The following PCDH9 variants were observed in gnomAD, a reference collection of about 807,000 sequenced individuals.
PCDH9 encodes the protein protocadherin 9, also known as protocadherin-9.
A neutral mutation model predicts 70.6 loss-of-function variants in PCDH9; 24 were observed. That is an observed-to-expected ratio of 0.34 (90% confidence interval 0.25 to 0.48). The LOEUF (loss-of-function observed/expected upper bound fraction) is 0.48, where lower values mean the gene tolerates loss of function less well. Among genes scored for constraint, PCDH9 ranks in the 20% least tolerant of loss-of-function variants. The probability of loss-of-function intolerance (pLI) is 0.99; values close to 1 mark genes in which losing one functional copy is unlikely to be tolerated. For synonymous variants in PCDH9, 562 were observed against 558.5 expected, an observed-to-expected ratio of 1.01 and a Z score of -0.09; for missense variants, 1,281 against 1,503.6, an observed-to-expected ratio of 0.85 and a Z score of 2.45.
chr13:66,373,542 A>G (rs1215772872), intron 4 of PCDH9, among the ~76,000 whole-genome samples: 1 of 152,062 alleles, frequency 6.6e-6, no homozygotes, highest in Non-Finnish European at 1.5e-5. Context: ...AGAAAAGGAA[A>G]GAAAAAATGA....
intron 2 of PCDH9, among the ~76,000 whole-genome samples, chr13:67,124,248 G>A (rs1460434368): frequency 6.6e-6 from 1 of 152,046 alleles, no homozygotes; most frequent in Non-Finnish European, 1.5e-5. Context: ...TCACTCAGGT[G>A]TTTGCTATTC....
intron 3 of PCDH9, among the ~76,000 whole-genome samples, chr13:66,749,778 T>C (rs1159308187): frequency 6.6e-6 from 1 of 152,116 alleles, no homozygotes; most frequent in African/African-American, 2.4e-5. Context: ...AGCTCTCCTT[T>C]AGGAATAGGA....
chr13:67,172,835 G>A (rs1325797756), intron 2 of PCDH9, among the ~76,000 whole-genome samples: 3 of 127,466 alleles, frequency 2.4e-5, no homozygotes, highest in South Asian at 2.5e-4. Flanking sequence ...GCGAGATCAC[G>A]CCACTGCAGT....
chr13:66,992,199 GA>G (rs1252085512), intron 2 of PCDH9, among the ~76,000 whole-genome samples: 1 of 152,074 alleles, frequency 6.6e-6, no homozygotes, highest in Non-Finnish European at 1.5e-5. Context: ...ATATTCCCTA[GA>G]AAAACAAATG....
chr13:66,739,899 T>G (rs1321192344), intron 3 of PCDH9, among the ~76,000 whole-genome samples: 1 of 142,770 alleles, frequency 7.0e-6, no homozygotes, highest in Non-Finnish European at 1.5e-5. Context: ...ATGGGAGACT[T>G]TAACACCCCA....
rs763360211 is a variant in PCDH9 at position 66,497,814 on chromosome 13, C to CTTTTTTTTT, written c.3340+133387_3340+133395dup. Among the ~76,000 whole-genome samples, 14 of 111,322 alleles carry CTTTTTTTTT rather than the reference C, an allele frequency of 1.3e-4. No individual in the cohort carries two copies. In the East Asian group the frequency reaches 2.9e-3, roughly 23 times the overall value. The allele number at this position is 111,322 out of a possible 152,430, so 73.0% of individuals were successfully genotyped here. A position where few individuals can be genotyped will look rare whatever the true frequency, so the allele number is the denominator to read the frequency against. ...AGAAAAAGTGCTATACACACTCTTA[C>CTTTTTTTTT]TTTTTTTTTTTTTTTTTTTTTTGAG... On this transcript the variant is annotated intron_variant, in intron 4 of 4. Transcript: ENST00000377865.
At chr13:66,572,883 C>T (rs1016458209) in intron 4 of PCDH9, among the ~76,000 whole-genome samples, 3 of 152,108 alleles carry the variant, frequency 2.0e-5, no homozygotes, top group African/African-American at 7.2e-5. Context: ...CCTCAGACTC[C>T]CAAGGAGTTG....
chr13:66,333,289 C>A (rs530282093), intron 4 of PCDH9, among the ~76,000 whole-genome samples: 1 of 152,212 alleles, frequency 6.6e-6, no homozygotes, highest in African/African-American at 2.4e-5. Flanking sequence ...AACCTGCTCC[C>A]AGACATTAAC....
At chr13:67,085,437 G>A (rs899400241) in intron 2 of PCDH9, among the ~76,000 whole-genome samples, 1 of 152,126 alleles carries the variant, frequency 6.6e-6, no homozygotes, top group Non-Finnish European at 1.5e-5. Context: ...ATTACCGTAT[G>A]AACTGTGAAG....
chr13:66,806,182 T>C (rs2080407460), intron 3 of PCDH9, among the ~76,000 whole-genome samples: 1 of 152,174 alleles, frequency 6.6e-6, no homozygotes, highest in Non-Finnish European at 1.5e-5. Flanking sequence ...TAAAAATATG[T>C]CAAAACTTAT....
chr13:67,014,290 T>G (rs908477840), intron 2 of PCDH9, among the ~76,000 whole-genome samples: 2 of 152,078 alleles, frequency 1.3e-5, no homozygotes, highest in African/African-American at 4.8e-5. Context: ...ACTAGCAATA[T>G]GTAGAGGTAG....
chr13:67,224,444 T>A (rs2089802250), intron 2 of PCDH9: 1 of 152,226 alleles, frequency 6.6e-6, no homozygotes, highest in Admixed American at 6.5e-5. Flanking sequence ...ATCTACAGGC[T>A]ATTATCGATA....
intron 4 of PCDH9, among the ~76,000 whole-genome samples, chr13:66,424,608 G>C (rs541886408): frequency 2.6e-5 from 4 of 152,038 alleles, no homozygotes; most frequent in African/African-American, 9.6e-5. Flanking sequence ...CATATTTCCT[G>C]ATTTACTCAG....
intron 4 of PCDH9, among the ~76,000 whole-genome samples, chr13:66,501,031 T>G (rs534454272): frequency 6.6e-6 from 1 of 152,118 alleles, no homozygotes; most frequent in East Asian, 1.9e-4. Context: ...TTCAAACAGC[T>G]GAATTAATTG....
chr13:66,422,112 T>A (rs1057185859), intron 4 of PCDH9, among the ~76,000 whole-genome samples: 3 of 152,064 alleles, frequency 2.0e-5, no homozygotes, highest in Admixed American at 2.0e-4. Flanking sequence ...GAACTAACTA[T>A]CCTAATTATA....
chr13:67,003,323 A>G (rs1196869937), intron 2 of PCDH9, among the ~76,000 whole-genome samples: 1 of 152,194 alleles, frequency 6.6e-6, no homozygotes, highest in Non-Finnish European at 1.5e-5. Context: ...TTTTATATAT[A>G]TAAAAATACA....
intron 3 of PCDH9, among the ~76,000 whole-genome samples, chr13:66,818,972 A>C (rs968404940): frequency 1.3e-5 from 2 of 152,050 alleles, no homozygotes; most frequent in African/African-American, 4.8e-5. Context: ...AAAACAAAAA[A>C]GGTGTGATGA....
At chr13:67,074,136 A>C (rs569614312) in intron 2 of PCDH9, among the ~76,000 whole-genome samples, 6 of 151,744 alleles carry the variant, frequency 4.0e-5, no homozygotes, top group South Asian at 4.2e-4. Flanking sequence ...CTATCTATCT[A>C]TCTTACTGCT....
chr13:66,862,928 G>C (rs1033003556), intron 3 of PCDH9, among the ~76,000 whole-genome samples: 1 of 151,954 alleles, frequency 6.6e-6, no homozygotes, highest in African/African-American at 2.4e-5. Context: ...TTGGATATTT[G>C]GGAAAATAAA....
Sources: allele counts gnomAD v4.1 joint callset (sites outside exome capture counted in the v4.1 genomes callset), GRCh38; gene constraint gnomAD v4.1.1; transcripts MANE v1.5; gene names NCBI Gene and HGNC (gene_info 2026-07-23, HGNC 2026-07-21).